The following ADGRG6 variants were observed in gnomAD, a reference collection of about 807,000 sequenced individuals.
The protein encoded by ADGRG6 is G-protein coupled receptor 126.
A neutral mutation model predicts 142.4 loss-of-function variants in ADGRG6; 84 were observed. The observed-to-expected ratio is 0.59, with a 90% confidence interval of 0.49 to 0.71. The LOEUF is 0.71. Among genes scored for constraint, ADGRG6 ranks in the 30% least tolerant of loss-of-function variants. ADGRG6 has a pLI of 0.00. For missense variants in ADGRG6, 1,367 were observed against 1,466.6 expected (o/e 0.93, Z 1.11); for synonymous variants, 521 against 520.5 (o/e 1.00, Z -0.01).
At chr6:142,320,160 C>T (rs1248619056) in intron 2 of ADGRG6, among the ~76,000 whole-genome samples, 3 of 152,018 alleles carry the variant, frequency 2.0e-5, no homozygotes, top group Non-Finnish European at 4.4e-5. Flanking sequence ...TTTTAAGACT[C>T]TATGCCTTAG....
intron 2 of ADGRG6, among the ~76,000 whole-genome samples, chr6:142,363,605 G>A (rs1780817024): frequency 2.6e-5 from 4 of 152,120 alleles, no homozygotes; most frequent in African/African-American, 9.7e-5. Flanking sequence ...TACCATATCT[G>A]TCTTTGAGAA....
At chr6:142,409,706 T>A (rs910772527) in intron 16 of ADGRG6, among the ~76,000 whole-genome samples, 168 bp from the exon 17 acceptor site, 1 of 152,234 alleles carries the variant, frequency 6.6e-6, no homozygotes, top group East Asian at 1.9e-4. Flanking sequence ...TTGAAGTCTC[T>A]ATGGGAGAGA....
chr6:142,401,963 A>G lies in ADGRG6; in HGVS notation c.1680-31A>G, dbSNP rs1002028717. On this transcript the variant is annotated intron_variant, in intron 11 of 24. Transcript: ENST00000367609. ...AGTACAAAATAATACCAGTTATATC[A>G]AATATTTAAAATATCTATTTTGTTT... The G allele has an allele frequency of 4.8e-6, 5 of 1,039,552 alleles. No individual in the cohort carries two copies. The South Asian group carries it at 5.6e-5, about 12-fold the overall frequency. 64.4% of individuals were successfully genotyped at this position (1,039,552 alleles called of 1,614,324 possible). A position where few individuals can be genotyped will look rare whatever the true frequency, so the allele number is the denominator to read the frequency against.
chr6:142,386,652 G>A (rs943835662), intron 6 of ADGRG6, among the ~76,000 whole-genome samples: 28 of 152,210 alleles, frequency 1.8e-4, no homozygotes, highest in East Asian at 1.7e-3. Context: ...ACTTATTGTC[G>A]TGCATTTATA....
intron 2 of ADGRG6, among the ~76,000 whole-genome samples, chr6:142,357,240 CCT>C (rs886689882): frequency 6.6e-5 from 10 of 151,552 alleles, no homozygotes; most frequent in Non-Finnish European, 1.5e-4. Flanking sequence ...TTTCTCTTCC[CCT>C]CTCTCTCTCA....
chr6:142,406,873 G>C (rs1039720732), intron 15 of ADGRG6, among the ~76,000 whole-genome samples: 10 of 152,246 alleles, frequency 6.6e-5, no homozygotes, highest in African/African-American at 1.9e-4. Context: ...AGCAAAACAT[G>C]TATGTATGTA....
chr6:142,344,128 A>T (rs1336821764), intron 2 of ADGRG6, among the ~76,000 whole-genome samples: 1 of 151,798 alleles, frequency 6.6e-6, no homozygotes, highest in Non-Finnish European at 1.5e-5. Flanking sequence ...ATTATTCTTG[A>T]TTTATTATTC....
chr6:142,356,392 G>A (rs1393893493), intron 2 of ADGRG6, among the ~76,000 whole-genome samples: 1 of 152,186 alleles, frequency 6.6e-6, no homozygotes, highest in Non-Finnish European at 1.5e-5. Flanking sequence ...TACCCCAGAA[G>A]TCAGGATGTT....
At chr6:142,442,600 GATA>G (rs1464336655) in intron 24 of ADGRG6, among the ~76,000 whole-genome samples, 2 of 151,800 alleles carry the variant, frequency 1.3e-5, no homozygotes, top group Non-Finnish European at 2.9e-5. Flanking sequence ...GAAACTACAA[GATA>G]ATTAATATAA....
In ADGRG6 at chr6:142,370,463, G is replaced by A. The variant is rs780436526; in HGVS notation, c.739G>A (p.Ala247Thr). 1.2e-6 allele frequency: 2 copies of A among 1,613,192 alleles called. No individual in the cohort carries two copies. The highest frequency in any genetic ancestry group is 1.1e-5 in the South Asian group (1 of 91,052). Residue 247 changes from alanine to threonine, a missense_variant, in exon 4 of 25, where the codon GCA (alanine) becomes ACA (threonine). This residue lies in a region of ADGRG6 where 737 missense variants were observed against 746.5 expected (regional missense o/e 0.99). Coordinates refer to ENST00000367609, the MANE Select transcript of ADGRG6 (RefSeq NM_198569.3). ...TGTCAAAGAAAAAGAAGACATTTTT[G>A]CAGAAAGCTTTGAACAGCTCTGCCT... Reference protein sequence around the residue: ...LPVKEKEDIFAESFEQLCLVW... With the variant: ...LPVKEKEDIFTESFEQLCLVW...
rs1779418994 is a variant in ADGRG6, at chr6:142,338,024, T to TTTTTTTTTTTTTTTA, written c.103+28394_103+28395insATTTTTTTTTTTTTT. 5.3e-5 allele frequency among the ~76,000 whole-genome samples: 2 copies of TTTTTTTTTTTTTTTA among 37,586 alleles called. 1 individual carries two copies. The highest frequency in any genetic ancestry group is 1.3e-4 in the Non-Finnish European group (2 of 15,324). 24.7% of individuals were successfully genotyped at this position (37,586 alleles called of 152,430 possible). A position where few individuals can be genotyped will look rare whatever the true frequency, so the allele number is the denominator to read the frequency against. ...TTTATGCCTTGTATCTTTGTTTTTTTTTTTTTTTTTTTTTGAGACGGAGTC... is the reference window on the plus strand; with the variant it reads ...TTTATGCCTTGTATCTTTGTTTTTTTTTTTTTTTTTTTTTATTTTTTTTTTTTTTGAGACGGAGTC... On this transcript the variant is annotated intron_variant, in intron 2 of 24. Transcript: ENST00000367609.
chr6:142,397,778 A>C, intron 10 of ADGRG6, 23 bp downstream of exon 10: 1 of 1,470,524 alleles, frequency 6.8e-7, no homozygotes, highest in Admixed American at 2.5e-5. Flanking sequence ...TTTTTTTATA[A>C]TATGCATTTT....
At chr6:142,427,433 C>T (rs969296578) in intron 22 of ADGRG6, among the ~76,000 whole-genome samples, 1 of 152,138 alleles carries the variant, frequency 6.6e-6, no homozygotes, top group Non-Finnish European at 1.5e-5. Context: ...TCAGCCTTGA[C>T]CTTATTGTCC....
intron 22 of ADGRG6, among the ~76,000 whole-genome samples, chr6:142,423,354 G>A (rs1776759532): frequency 6.6e-6 from 1 of 151,530 alleles, no homozygotes; most frequent in Non-Finnish European, 1.5e-5. Context: ...AAGGTGTAAG[G>A]AAGGGATCCA....
At chr6:142,393,786 A>G in intron 8 of ADGRG6, 110 bp from the exon 9 acceptor site, 1 of 689,772 alleles carries the variant, frequency 1.4e-6, no homozygotes, top group Non-Finnish European at 2.6e-6. Flanking sequence ...ACATTTGAAA[A>G]TATTGGCTTA....
chr6:142,370,888 C>A (rs1781213861), intron 4 of ADGRG6, 95 bp downstream of exon 4: 1 of 1,205,858 alleles, frequency 8.3e-7, no homozygotes, highest in East Asian at 2.5e-5. Flanking sequence ...ACAAATGTAC[C>A]TGTATGTATA....
At chr6:142,318,180 T>TTA (rs1778283350) in intron 2 of ADGRG6, among the ~76,000 whole-genome samples, 1 of 5,278 alleles carries the variant, frequency 1.9e-4, no homozygotes, top group African/African-American at 6.9e-4. Flanking sequence ...TATTTATATA[T>TTA]TATATATTAT....
Position 142,404,045 on chromosome 6 carries a change from G to C in ADGRG6, c.2127+72G>C, listed in dbSNP as rs73780221. ...ATAAAAACTTGCTGATCACTTAGCA[G>C]TTGCTGCTTCCAAGAGGTCTTGGTC... On this transcript the variant is annotated intron_variant, in intron 14 of 24. Coordinates refer to ENST00000367609, the MANE Select transcript of ADGRG6 (RefSeq NM_198569.3). 53,238 of 1,137,340 alleles carry C rather than the reference G, an allele frequency of 0.047. 2,171 individuals are homozygous for C. The highest frequency in any genetic ancestry group is 0.14 in the South Asian group (10,937 of 78,606). 70.5% of individuals were successfully genotyped at this position (1,137,340 alleles called of 1,614,324 possible). A position where few individuals can be genotyped will look rare whatever the true frequency, so the allele number is the denominator to read the frequency against.
chr6:142,361,389 A>G (rs1026174544), intron 2 of ADGRG6, among the ~76,000 whole-genome samples: 1 of 152,162 alleles, frequency 6.6e-6, no homozygotes, highest in African/African-American at 2.4e-5. Context: ...GATGATGCCC[A>G]TGCTGCTTGT....
Sources: allele counts gnomAD v4.1 joint callset (sites outside exome capture counted in the v4.1 genomes callset), GRCh38; gene constraint gnomAD v4.1.1; regional missense constraint gnomAD v4.1.1; transcripts MANE v1.5; gene names NCBI Gene and HGNC (gene_info 2026-07-23, HGNC 2026-07-21).